APP: variants seen among roughly 807,000 people sequenced by gnomAD.
APP encodes the protein amyloid-beta precursor protein.
Under a neutral mutation model 101.4 loss-of-function variants are expected in APP, and 31 were observed. The ratio of observed to expected loss-of-function variants is 0.31; its 90% CI spans 0.23 to 0.41. APP has a LOEUF of 0.41. Among genes scored for constraint, APP ranks in the 10% least tolerant of loss-of-function variants. APP has a pLI of 1.00. For synonymous variants in APP, 366 were observed against 364.4 expected (o/e 1.00, Z -0.05); for missense variants, 839 against 1,003.7 (o/e 0.84, Z 2.22).
chr21:26,078,417 A>G (rs919882795), intron 3 of APP, among the ~76,000 whole-genome samples: 3 of 152,174 alleles, frequency 2.0e-5, no homozygotes, highest in African/African-American at 7.2e-5. Flanking sequence ...TATGTCTAAT[A>G]TATTTTACAT....
At chr21:26,139,652 T>C (rs1008013575) in intron 1 of APP, among the ~76,000 whole-genome samples, 2 of 152,316 alleles carry the variant, frequency 1.3e-5, no homozygotes, top group South Asian at 2.1e-4. Flanking sequence ...CCCAGCACTT[T>C]AGGAGGCCGA....
intron 1 of APP, among the ~76,000 whole-genome samples, chr21:26,122,820 C>T (rs1178557395): frequency 6.8e-6 from 1 of 147,454 alleles, no homozygotes; most frequent in African/African-American, 2.5e-5. Context: ...TAACGCAAGT[C>T]ATATTAGAAG....
chr21:25,968,322 C>CT (rs34021818), intron 11 of APP, among the ~76,000 whole-genome samples: 9,827 of 113,858 alleles, frequency 0.086, 911 homozygotes, highest in African/African-American at 0.19. Context: ...TTAAAAAAAT[C>CT]TTTTTTTTTT....
At chr21:25,914,761 G>A (rs1181415685) in intron 13 of APP, among the ~76,000 whole-genome samples, 2 of 152,054 alleles carry the variant, frequency 1.3e-5, no homozygotes, top group Admixed American at 6.6e-5. Context: ...CACCGTGTTA[G>A]CCAGGATGGT....
At chr21:26,110,295 A>C (rs1434748042) in intron 2 of APP, among the ~76,000 whole-genome samples, 1 of 152,038 alleles carries the variant, frequency 6.6e-6, no homozygotes, top group Non-Finnish European at 1.5e-5. Context: ...ATACAAAAAA[A>C]TTTAGCTGGG....
chr21:25,899,981 A>G (rs976549825), intron 15 of APP, among the ~76,000 whole-genome samples: 9 of 152,032 alleles, frequency 5.9e-5, no homozygotes, highest in Admixed American at 3.9e-4. Context: ...CTCAACCCCC[A>G]ACTTCTTGCT....
At chr21:26,130,805 C>T (rs1223121570) in intron 1 of APP, among the ~76,000 whole-genome samples, 2 of 151,990 alleles carry the variant, frequency 1.3e-5, no homozygotes, top group Non-Finnish European at 2.9e-5. Flanking sequence ...AGTAGCCTTC[C>T]CTTCCTTCCT....
At chr21:26,057,471 C>G (rs1475491050) in intron 3 of APP, among the ~76,000 whole-genome samples, 1 of 123,238 alleles carries the variant, frequency 8.1e-6, no homozygotes, top group East Asian at 2.5e-4. Flanking sequence ...GCATGTCACA[C>G]ACCACACACA....
At chr21:25,977,277 A>G (rs2075311270) in intron 9 of APP, among the ~76,000 whole-genome samples, 1 of 152,230 alleles carries the variant, frequency 6.6e-6, no homozygotes, top group Admixed American at 6.5e-5. Context: ...TTTCAAGTGT[A>G]TGACAAGTAG....
chr21:25,992,957 A>C (rs900553808), intron 8 of APP, among the ~76,000 whole-genome samples: 6 of 152,250 alleles, frequency 3.9e-5, no homozygotes, highest in Admixed American at 2.0e-4. Context: ...AATAGTTCAA[A>C]TTTGGCCAAA....
At chr21:26,027,826 GCA>G in intron 5 of APP, among the ~76,000 whole-genome samples, 1 of 152,028 alleles carries the variant, frequency 6.6e-6, no homozygotes, top group South Asian at 2.1e-4. Context: ...GCAGCTAAAG[GCA>G]TAAGCCCACC....
At chr21:26,074,054 G>C (rs941095793) in intron 3 of APP, among the ~76,000 whole-genome samples, 3 of 151,864 alleles carry the variant, frequency 2.0e-5, no homozygotes, top group African/African-American at 7.3e-5. Flanking sequence ...CAATAAATAG[G>C]GGGATCTTCA....
At chr21:25,917,248 A>G (rs2039396181) in intron 13 of APP, among the ~76,000 whole-genome samples, 1 of 149,302 alleles carries the variant, frequency 6.7e-6, no homozygotes, top group South Asian at 2.2e-4. Flanking sequence ...GCAACCGAGT[A>G]AGACTCTGTC....
intron 14 of APP, among the ~76,000 whole-genome samples, chr21:25,909,042 T>G (rs1601366813): frequency 6.6e-6 from 1 of 152,028 alleles, no homozygotes; most frequent in African/African-American, 2.4e-5. Context: ...GGCGGGCGGA[T>G]CACGAGGTCA....
intron 2 of APP, among the ~76,000 whole-genome samples, chr21:26,104,772 G>C (rs2062142469): frequency 6.6e-6 from 1 of 152,174 alleles, no homozygotes; most frequent in African/African-American, 2.4e-5. Flanking sequence ...GCACCAACAT[G>C]TATACTGCAA....
At chr21:26,001,131 T>A (rs1236970863) in intron 6 of APP, among the ~76,000 whole-genome samples, 1 of 152,186 alleles carries the variant, frequency 6.6e-6, no homozygotes, top group African/African-American at 2.4e-5. Context: ...ACGCAGTCAA[T>A]CAACTCCAAC....
chr21:26,120,634 G>A (rs2062544194), intron 1 of APP, among the ~76,000 whole-genome samples: 1 of 152,098 alleles, frequency 6.6e-6, no homozygotes, highest in Non-Finnish European at 1.5e-5. Context: ...CTTTAGATCT[G>A]ATTGATTTTG....
chr21:25,918,232 T>A (rs547960746), intron 13 of APP, among the ~76,000 whole-genome samples: 3 of 152,334 alleles, frequency 2.0e-5, no homozygotes, highest in Admixed American at 2.0e-4. Flanking sequence ...TGCACACATA[T>A]GTTTACTGTA....
At chr21:26,135,147 T>C (rs2062869158) in intron 1 of APP, among the ~76,000 whole-genome samples, 1 of 152,236 alleles carries the variant, frequency 6.6e-6, no homozygotes, top group Non-Finnish European at 1.5e-5. Context: ...ACAATTATGC[T>C]CTGTGCATAA....
Sources: gnomAD v4.1 joint callset for allele counts (sites outside exome capture counted in the v4.1 genomes callset) on GRCh38, gnomAD v4.1.1 for gene constraint, MANE v1.5 for transcripts, NCBI Gene and HGNC (gene_info 2026-07-23, HGNC 2026-07-21) for gene names.